Variants in DCTN4 observed in about 807,000 individuals in gnomAD.
DCTN4 encodes the protein dynactin subunit 4.
In DCTN4, 23 loss-of-function variants were observed where a neutral mutation model predicts 62.7. That is an observed-to-expected ratio of 0.37 (90% CI 0.26 to 0.52). DCTN4 has a LOEUF of 0.52. Among genes scored for constraint, DCTN4 ranks in the 20% least tolerant of loss-of-function variants. The probability of loss-of-function intolerance (pLI) is 0.92; values close to 1 mark genes in which losing one functional copy is unlikely to be tolerated. For missense variants in DCTN4, 514 were observed against 580.4 expected (o/e 0.89, Z 1.18); for synonymous variants, 199 against 202.1 (o/e 0.98, Z 0.13).
chr5:150,714,056 G>A (rs1561686780), intron 12 of DCTN4, among the ~76,000 whole-genome samples: 1 of 152,146 alleles, frequency 6.6e-6, no homozygotes, highest in Admixed American at 6.5e-5. Flanking sequence ...GGTGGAGGTT[G>A]CAGTGAGCAG....
chr5:150,729,106 G>A (rs1475779197), intron 8 of DCTN4, among the ~76,000 whole-genome samples: 1 of 131,352 alleles, frequency 7.6e-6, no homozygotes, highest in Non-Finnish European at 1.5e-5. Flanking sequence ...TGTTGCCTAG[G>A]CTGATCTCAA....
In DCTN4 at chr5:150,733,369, G is replaced by A. The variant is rs765537097; in HGVS notation, c.536C>T (p.Ser179Leu). The change falls in exon 5 of 13, where the codon TCG becomes TTG. Residue 179 changes from serine (S) to leucine (L), a missense_variant and splice_region_variant. Coordinates refer to ENST00000447998, the MANE Select transcript of DCTN4 (RefSeq NM_016221.4). ...RRRNYMPLAF[S>L]DKYGLGTRLQ... ...ATCATTTTAGTACCAAATTCTCACC[G>A]AAAAAGCCAGAGGCATATAGTTTCT... is the stretch of plus-strand genomic sequence containing the variant. 7 of 1,608,340 alleles carry A rather than the reference G, an allele frequency of 4.4e-6. No homozygotes were observed. The highest frequency in any genetic ancestry group is 2.7e-5 in the African/African-American group (2 of 74,650).
intron 3 of DCTN4, among the ~76,000 whole-genome samples, chr5:150,752,421 T>C (rs1013734427): frequency 2.0e-5 from 3 of 152,198 alleles, no homozygotes; most frequent in African/African-American, 7.2e-5. Context: ...ATTTTATATA[T>C]ATACGTAAAA....
chr5:150,732,050 A>G, intron 5 of DCTN4: 1 of 762,464 alleles, frequency 1.3e-6, no homozygotes, highest in East Asian at 2.7e-5. Context: ...TAAATATAAC[A>G]CACATTGGTG....
chr5:150,745,788 A>C (rs28773502), intron 3 of DCTN4, among the ~76,000 whole-genome samples: 22,728 of 151,802 alleles, frequency 0.15, 3,067 homozygotes, highest in African/African-American at 0.36. Context: ...ACACATTCAA[A>C]GCAGTGTGTA....
intron 2 of DCTN4, among the ~76,000 whole-genome samples, chr5:150,755,865 G>A (rs1752840492): frequency 6.6e-6 from 1 of 152,144 alleles, no homozygotes; most frequent in Non-Finnish European, 1.5e-5. Flanking sequence ...AACAATAGGG[G>A]AGACTGGATG....
At position 150,725,503 on chromosome 5, in the gene DCTN4, T is replaced by C. The variant is rs185473121; in HGVS notation, c.835-2523A>G. ...ATTTACTGTATTTTATATTAATTTA[T>C]TGTATTTTATTTTGGTTTCTTAATT... On this transcript the variant is annotated intron_variant, in intron 8 of 12. Coordinates refer to ENST00000447998, the MANE Select transcript of DCTN4 (RefSeq NM_016221.4). Among the ~76,000 whole-genome samples the C allele has an allele frequency of 3.2e-3, 484 of 152,232 alleles. 2 individuals carry two copies. The highest frequency in any genetic ancestry group is 0.014 in the South Asian group (68 of 4,830).
intron 2 of DCTN4, among the ~76,000 whole-genome samples, chr5:150,756,104 C>A (rs2113160282): frequency 6.8e-6 from 1 of 147,552 alleles, no homozygotes; most frequent in Non-Finnish European, 1.5e-5. Context: ...TGCAGTGGCA[C>A]AATCTTGGCT....
chr5:150,739,692 T>TA (rs1760702519), intron 4 of DCTN4, among the ~76,000 whole-genome samples: 1 of 152,132 alleles, frequency 6.6e-6, no homozygotes, highest in African/African-American at 2.4e-5. Flanking sequence ...TATAAGACTA[T>TA]AGTCACCAAC....
At chr5:150,750,012 T>C (rs899361711) in intron 3 of DCTN4, among the ~76,000 whole-genome samples, 2 of 152,092 alleles carry the variant, frequency 1.3e-5, no homozygotes, top group African/African-American at 4.8e-5. Flanking sequence ...TACATACACT[T>C]CTAGAAAAGG....
intron 8 of DCTN4, among the ~76,000 whole-genome samples, chr5:150,727,464 C>T (rs1412138389): frequency 6.6e-6 from 1 of 152,004 alleles, no homozygotes; most frequent in Non-Finnish European, 1.5e-5. Flanking sequence ...CTTCTTAGGA[C>T]ATTTCTAAAG....
chr5:150,736,854 T>C (rs1339568943), intron 4 of DCTN4, among the ~76,000 whole-genome samples: 1 of 152,204 alleles, frequency 6.6e-6, no homozygotes, highest in Non-Finnish European at 1.5e-5. Context: ...ACCAAGTATC[T>C]GCCGTCTTCA....
intron 2 of DCTN4, among the ~76,000 whole-genome samples, chr5:150,754,183 A>G (rs1217208496): frequency 6.6e-6 from 1 of 152,200 alleles, no homozygotes; most frequent in Non-Finnish European, 1.5e-5. Flanking sequence ...TACTTTTCCT[A>G]GTGCTCAGCC....
At chr5:150,740,469 C>T (rs749756165) in intron 4 of DCTN4, among the ~76,000 whole-genome samples, 1 of 151,680 alleles carries the variant, frequency 6.6e-6, no homozygotes, top group Non-Finnish European at 1.5e-5. Flanking sequence ...TAAACTAGTA[C>T]ACCACTATGG....
intron 1 of DCTN4, chr5:150,758,280 C>T: frequency 2.0e-6 from 2 of 985,642 alleles, no homozygotes; most frequent in Non-Finnish European, 2.4e-6. Flanking sequence ...TCCTCTAGCT[C>T]CATAAATACA....
At chr5:150,752,719 T>C (rs1175732651) in intron 3 of DCTN4, among the ~76,000 whole-genome samples, 1 of 152,212 alleles carries the variant, frequency 6.6e-6, no homozygotes, top group African/African-American at 2.4e-5. Flanking sequence ...TTATTTCTAC[T>C]ATGAGAATTG....
intron 9 of DCTN4, among the ~76,000 whole-genome samples, chr5:150,720,829 A>G (rs1171039830): frequency 6.6e-6 from 1 of 152,214 alleles, no homozygotes; most frequent in African/African-American, 2.4e-5. Context: ...ATGTCAGAAA[A>G]AAATCACTTT....
At chr5:150,732,330 T>C (rs1303507712) in intron 5 of DCTN4, among the ~76,000 whole-genome samples, 2 of 152,230 alleles carry the variant, frequency 1.3e-5, no homozygotes, top group Non-Finnish European at 2.9e-5. Flanking sequence ...TTTGTATTTT[T>C]AGTAGAGACA....
At chr5:150,733,825 C>G (rs1252829943) in intron 4 of DCTN4, 3 of 167,560 alleles carry the variant, frequency 1.8e-5, no homozygotes, top group East Asian at 1.6e-4. Context: ...GTATTTTATT[C>G]CCCAACTCCA....
Sources: gnomAD v4.1 joint callset for allele counts (sites outside exome capture counted in the v4.1 genomes callset) on GRCh38, gnomAD v4.1.1 for gene constraint, MANE v1.5 for transcripts, NCBI Gene and HGNC (gene_info 2026-07-23, HGNC 2026-07-21) for gene names.